NT5C2: variants seen among roughly 807,000 people sequenced by gnomAD.
The protein encoded by NT5C2 is cytosolic purine 5'-nucleotidase.
A neutral mutation model predicts 76.1 loss-of-function variants in NT5C2; 58 were observed. The ratio of observed to expected loss-of-function variants is 0.76; its 90% CI spans 0.62 to 0.95. NT5C2 has a LOEUF of 0.95. NT5C2 is among the 40% of genes least tolerant of loss of function. The probability of loss-of-function intolerance (pLI) is 0.00; values close to 1 mark genes in which losing one functional copy is unlikely to be tolerated. For synonymous variants in NT5C2, 229 were observed against 237.4 expected, an observed-to-expected ratio of 0.96 and a Z score of 0.32; for missense variants, 478 against 690.3, an observed-to-expected ratio of 0.69 and a Z score of 3.45.
chr10:103,114,067 T>A (rs535244662), intron 4 of NT5C2, among the ~76,000 whole-genome samples: 1 of 152,308 alleles, frequency 6.6e-6, no homozygotes, highest in Non-Finnish European at 1.5e-5. Flanking sequence ...ATGTTCCCAA[T>A]TGCGTGATAA....
At chr10:103,181,515 ATTCT>A (rs1158076585) in intron 1 of NT5C2, among the ~76,000 whole-genome samples, 187 bp from the exon 2 acceptor site, 1 of 152,128 alleles carries the variant, frequency 6.6e-6, no homozygotes, top group Non-Finnish European at 1.5e-5. Context: ...TGCACTGAAT[ATTCT>A]TTCCTTCAAA....
intron 3 of NT5C2, among the ~76,000 whole-genome samples, chr10:103,144,091 TG>T (rs1048167117): frequency 1.3e-5 from 2 of 152,218 alleles, no homozygotes; most frequent in Non-Finnish European, 2.9e-5. Context: ...TAAATCCTTT[TG>T]AAAGTACAAC....
chr10:103,138,356 G>A (rs1310753779), intron 4 of NT5C2, among the ~76,000 whole-genome samples: 1 of 152,258 alleles, frequency 6.6e-6, no homozygotes, highest in South Asian at 2.1e-4. Context: ...GTGGTTTGCT[G>A]CACCTATAAA....
chr10:103,159,651 TA>T (rs1415676654), intron 3 of NT5C2, among the ~76,000 whole-genome samples: 1,492 of 134,366 alleles, frequency 0.011, 9 homozygotes, highest in African/African-American at 0.029. Context: ...CCTGTCTCTT[TA>T]AAAAAAAAAA....
At chr10:103,131,018 A>G (rs1366588849) in intron 4 of NT5C2, among the ~76,000 whole-genome samples, 4 of 152,238 alleles carry the variant, frequency 2.6e-5, no homozygotes, top group Non-Finnish European at 5.9e-5. Context: ...AAGAACTTTG[A>G]GGAAACCCTA....
intron 3 of NT5C2, among the ~76,000 whole-genome samples, chr10:103,170,203 G>T (rs2087538512): frequency 6.6e-6 from 1 of 152,118 alleles, no homozygotes. Context: ...CTAGCTACTG[G>T]GGAGGCTGTG....
chr10:103,148,704 TATAAA>T (rs1054292763), intron 3 of NT5C2, among the ~76,000 whole-genome samples: 1 of 152,190 alleles, frequency 6.6e-6, no homozygotes, highest in Non-Finnish European at 1.5e-5. Flanking sequence ...TGTTATCACT[TATAAA>T]ATAAAACATG....
intron 1 of NT5C2, among the ~76,000 whole-genome samples, chr10:103,186,293 T>C (rs2092002306): frequency 6.6e-6 from 1 of 152,174 alleles, no homozygotes; most frequent in Non-Finnish European, 1.5e-5. Context: ...GACATGGAAA[T>C]TGGTCAATAT....
intron 3 of NT5C2, among the ~76,000 whole-genome samples, chr10:103,152,065 C>A (rs2082507631): frequency 6.6e-6 from 1 of 152,150 alleles, no homozygotes; most frequent in Non-Finnish European, 1.5e-5. Context: ...AGAACTTTAA[C>A]CGCGTCTAGA....
chr10:103,188,934 C>T (rs1446034815), intron 1 of NT5C2, among the ~76,000 whole-genome samples: 1 of 151,842 alleles, frequency 6.6e-6, no homozygotes, highest in Non-Finnish European at 1.5e-5. Context: ...ATTGCTTGAA[C>T]CCAGGAGGTA....
chr10:103,186,478 A>C (rs1348483271), intron 1 of NT5C2, among the ~76,000 whole-genome samples: 1 of 152,238 alleles, frequency 6.6e-6, no homozygotes, highest in Non-Finnish European at 1.5e-5. Flanking sequence ...ACGTCAATTA[A>C]AGTATCCTAA....
chr10:103,161,707 G>C (rs2084935614), intron 3 of NT5C2, among the ~76,000 whole-genome samples: 1 of 151,814 alleles, frequency 6.6e-6, no homozygotes, highest in African/African-American at 2.4e-5. Context: ...CTGGATGACA[G>C]AGTAAGACTC....
chr10:103,119,469 C>T (rs931898441), intron 4 of NT5C2, among the ~76,000 whole-genome samples: 2 of 152,166 alleles, frequency 1.3e-5, no homozygotes, highest in African/African-American at 4.8e-5. Flanking sequence ...AATCTGGAAG[C>T]CAGTGGGATG....
chr10:103,141,275 T>C (rs1235540589), intron 3 of NT5C2, among the ~76,000 whole-genome samples: 1 of 152,106 alleles, frequency 6.6e-6, no homozygotes, highest in African/African-American at 2.4e-5. Context: ...TAGGTTAACA[T>C]GGTGAGAACC....
rs578073909 is a variant in NT5C2 at position 103,141,005 on chromosome 10, C to CT, written c.102-1527dup. Among the ~76,000 whole-genome samples the CT allele has an allele frequency of 2.4e-4, 37 of 152,276 alleles. 1 individual carries two copies. In the South Asian group the frequency reaches 7.5e-3, roughly 31 times the overall value. ...TTGTTTCTCCTTTGCTGCGCAGAAG[C>CT]TTTTTAGTTTGAGGTAGTCCCACTT... On this transcript the variant is annotated intron_variant, in intron 3 of 18. Transcript: ENST00000404739.
intron 4 of NT5C2, among the ~76,000 whole-genome samples, chr10:103,125,574 T>TA (rs1444168382): frequency 6.6e-5 from 10 of 152,198 alleles, no homozygotes; most frequent in Admixed American, 5.2e-4. Context: ...CACGAGGAGA[T>TA]AATGTTAAGG....
At chr10:103,094,623 C>A in intron 12 of NT5C2, 168 bp from the exon 13 acceptor site, 1 of 575,018 alleles carries the variant, frequency 1.7e-6, no homozygotes, top group East Asian at 3.0e-5. Flanking sequence ...GTGGCTCACA[C>A]CTGTAATCCC....
At position 103,181,284 on chromosome 10, in the gene NT5C2, G is replaced by C. The variant is rs1205152185; in HGVS notation, c.-124C>G. The C allele has an allele frequency of 1.3e-5, 2 of 151,374 alleles. No homozygotes were observed. Among genetic ancestry groups the C allele is most frequent in the African/African-American group, 4.9e-5 (2 of 41,096 alleles). The allele number at this position is 151,374 out of a possible 1,614,324, so 9.4% of individuals were successfully genotyped here. A position where few individuals can be genotyped will look rare whatever the true frequency, so the allele number is the denominator to read the frequency against. ...GAGGCGAATGGATCACTTGACGTCA[G>C]GAGATCACATCACTGTACTCCAGCC... On this transcript the variant is annotated 5_prime_UTR_variant, in exon 2 of 19. Coordinates refer to ENST00000404739, the MANE Select transcript of NT5C2 (RefSeq NM_001351169.2).
chr10:103,137,878 G>C lies in NT5C2; in HGVS notation c.175+1528C>G, dbSNP rs140407675. On this transcript the variant is annotated intron_variant, in intron 4 of 18. Transcript: ENST00000404739. ...GGAAGGGAAAAACAGCACAGTGCTGGTGTTTAAGGGCTACAGGATAATGAA... is the reference window on the plus strand; with the variant it reads ...GGAAGGGAAAAACAGCACAGTGCTGCTGTTTAAGGGCTACAGGATAATGAA... Among the ~76,000 whole-genome samples, 938 of 152,302 alleles carry C rather than the reference G, an allele frequency of 6.2e-3. 1 individual carries two copies. The highest frequency in any genetic ancestry group is 8.9e-3 in the Non-Finnish European group (604 of 68,024).
Sources: gnomAD v4.1 joint callset for allele counts (sites outside exome capture counted in the v4.1 genomes callset) on GRCh38, gnomAD v4.1.1 for gene constraint, MANE v1.5 for transcripts, NCBI Gene and HGNC (gene_info 2026-07-23, HGNC 2026-07-21) for gene names.